Variants in GIN1 observed in about 807,000 individuals in gnomAD.
The protein encoded by GIN1 is gypsy retrotransposon integrase-like protein 1.
In GIN1, 41 loss-of-function variants were observed where a neutral mutation model predicts 51.4. That is an observed-to-expected ratio of 0.80 (90% confidence interval 0.62 to 1.04). The LOEUF (loss-of-function observed/expected upper bound fraction) is 1.04. GIN1 is among the 50% of genes least tolerant of loss of function. The pLI is 0.00. For missense variants in GIN1, 610 were observed against 612.4 expected (o/e 1.00, Z 0.04); for synonymous variants, 222 against 206.5 (o/e 1.07, Z -0.64).
Position 103,097,346 on chromosome 5 carries a change from T to C in GIN1, c.976A>G (p.Ile326Val). Reference sequence around the variant, plus strand: ...AGTGAAGTTGTCTTATTCTCCATTATTTTATCAGCTTCTTTAATTGCATCT... The same window carrying C: ...AGTGAAGTTGTCTTATTCTCCATTACTTTATCAGCTTCTTTAATTGCATCT... ...ILDAIKEADK[I>V]MENKTTSLGQ... Residue 326 changes from isoleucine to valine, a missense_variant, in exon 6 of 8, where the codon ATA becomes GTA. By Grantham distance (29) the Ile-to-Val change is conservative (BLOSUM62 3). Transcript: ENST00000399004. 1 of 1,600,188 alleles carries C rather than the reference T, an allele frequency of 6.2e-7. No individual in the cohort carries two copies. Among genetic ancestry groups the C allele is most frequent in the Non-Finnish European group, 8.6e-7 (1 of 1,168,262 alleles).
chr5:103,089,603 CAT>C (rs1482603606), intron 7 of GIN1, among the ~76,000 whole-genome samples: 1 of 152,102 alleles, frequency 6.6e-6, no homozygotes, highest in Non-Finnish European at 1.5e-5. Context: ...ACCATAGACA[CAT>C]GTCACTATGC....
At chr5:103,103,952 G>A (rs1414358571) in intron 4 of GIN1, among the ~76,000 whole-genome samples, 1 of 151,838 alleles carries the variant, frequency 6.6e-6, no homozygotes, top group Non-Finnish European at 1.5e-5. Flanking sequence ...ACCACACCTG[G>A]CTAATTTTTT....
intron 7 of GIN1, among the ~76,000 whole-genome samples, chr5:103,091,534 G>A (rs563157273): frequency 7.2e-5 from 11 of 152,244 alleles, no homozygotes; most frequent in African/African-American, 2.6e-4. Flanking sequence ...ATTTAGTTAT[G>A]ATTATGACAT....
At chr5:103,108,861 A>G (rs1234192293) in intron 1 of GIN1, 147 bp from the exon 2 acceptor site, 1 of 599,656 alleles carries the variant, frequency 1.7e-6, no homozygotes, top group East Asian at 3.0e-5. Context: ...AGTACAGGAA[A>G]GGAACAGCGA....
At chr5:103,108,418 T>C (rs1455489791) in intron 2 of GIN1, 151 bp downstream of exon 2, 17 of 584,826 alleles carry the variant, frequency 2.9e-5, no homozygotes, top group Non-Finnish European at 4.5e-5. Context: ...TGAGTGTAAT[T>C]TTTATTTTGC....
At chr5:103,115,787 G>A (rs1788015519) in intron 1 of GIN1, among the ~76,000 whole-genome samples, 1 of 151,946 alleles carries the variant, frequency 6.6e-6, no homozygotes, top group Admixed American at 6.6e-5. Flanking sequence ...CTAATGGAAG[G>A]GCTTCTAGAA....
chr5:103,109,632 A>C (rs1303494868), intron 1 of GIN1, among the ~76,000 whole-genome samples: 1 of 152,180 alleles, frequency 6.6e-6, no homozygotes, highest in Admixed American at 6.6e-5. Context: ...ATGTTAACAC[A>C]GTCCCATCAT....
chr5:103,094,773 TC>T (rs1265699932), intron 7 of GIN1, among the ~76,000 whole-genome samples: 18 of 152,208 alleles, frequency 1.2e-4, no homozygotes, highest in Non-Finnish European at 1.5e-5. Flanking sequence ...ACCTTTTTTT[TC>T]CCTACTTAAC....
Position 103,096,670 on chromosome 5 carries a change from C to G in GIN1, c.1165G>C (p.Gly389Arg). The G allele has an allele frequency of 6.2e-7, 1 of 1,614,002 alleles. No individual in the cohort carries two copies. ...KDGRFQSEWV[G>R]PCVIDYITES... is the part of the protein sequence containing the mutation. ...GTAATATAGTCTATGACACAAGGAC[C>G]AACCCATTCAGACTGAAAACGACCA... The change falls in exon 7 of 8, where the codon GGT (glycine) becomes CGT (arginine). Residue 389 changes from glycine (G) to arginine (R), a missense_variant. Coordinates refer to ENST00000399004, the MANE Select transcript of GIN1 (RefSeq NM_017676.2).
At chr5:103,114,063 A>C (rs1393161134) in intron 1 of GIN1, among the ~76,000 whole-genome samples, 2 of 148,676 alleles carry the variant, frequency 1.3e-5, no homozygotes, top group African/African-American at 4.9e-5. Flanking sequence ...CTTTTCATTG[A>C]TATTTTTGCC....
At chr5:103,113,875 G>C (rs1787952344) in intron 1 of GIN1, among the ~76,000 whole-genome samples, 1 of 152,120 alleles carries the variant, frequency 6.6e-6, no homozygotes, top group Admixed American at 6.5e-5. Flanking sequence ...TTCAACATAT[G>C]AATTTTGGGA....
chr5:103,090,058 G>A (rs530294540), intron 7 of GIN1, among the ~76,000 whole-genome samples: 48 of 152,320 alleles, frequency 3.2e-4, no homozygotes, highest in African/African-American at 1.1e-3. Context: ...GGAAACCAAT[G>A]CGGGCAGATC....
At chr5:103,088,344 T>A (rs911714930) in intron 7 of GIN1, among the ~76,000 whole-genome samples, 172 bp from the exon 8 acceptor site, 8 of 152,078 alleles carry the variant, frequency 5.3e-5, no homozygotes, top group Non-Finnish European at 4.4e-5. Flanking sequence ...AATAAAAAAA[T>A]GACATATAAA....
intron 1 of GIN1, among the ~76,000 whole-genome samples, chr5:103,115,239 A>C (rs1230357572): frequency 9.2e-5 from 14 of 152,158 alleles, no homozygotes; most frequent in Non-Finnish European, 1.9e-4. Context: ...AGTCATGTTC[A>C]TAGCCACATC....
At chr5:103,114,292 A>T (rs1467775250) in intron 1 of GIN1, among the ~76,000 whole-genome samples, 4 of 152,262 alleles carry the variant, frequency 2.6e-5, no homozygotes, top group Non-Finnish European at 5.9e-5. Context: ...TACCTGTACC[A>T]GTCAGCTAGG....
chr5:103,097,664 G>T lies in GIN1; in HGVS notation c.757C>A (p.His253Asn). 6.2e-7 allele frequency: 1 copy of T among 1,610,206 alleles called. No homozygotes were observed. The highest frequency in any genetic ancestry group is 1.1e-5 in the South Asian group (1 of 91,008). Residue 253 changes from histidine to asparagine, a missense_variant, in exon 5 of 8, where the codon CAC (histidine) becomes AAC (asparagine). Physicochemically the swap from His to Asn is moderately conservative, Grantham distance 68 (BLOSUM62 1). Coordinates refer to ENST00000399004, the MANE Select transcript of GIN1 (RefSeq NM_017676.2). ...CAATTGTTTGGGTGGTCAGCACAGT[G>T]TTTGGAGAGAAATGCTTTGATTGTG... ...PNTIKAFLSK[H>N]CADHPNNWDD... is the part of the protein sequence containing the mutation.
intron 4 of GIN1, among the ~76,000 whole-genome samples, chr5:103,099,672 C>T (rs1787513462): frequency 6.6e-6 from 1 of 152,160 alleles, no homozygotes; most frequent in African/African-American, 2.4e-5. Flanking sequence ...AGCCCCCCAA[C>T]CATCAAACCA....
At chr5:103,103,917 G>C (rs1554196001) in intron 4 of GIN1, among the ~76,000 whole-genome samples, 1 of 151,952 alleles carries the variant, frequency 6.6e-6, no homozygotes, top group African/African-American at 2.4e-5. Flanking sequence ...AACCTCCCGA[G>C]TAGCTGGGAC....
At chr5:103,118,466 C>G (rs1788132803) in intron 1 of GIN1, among the ~76,000 whole-genome samples, 1 of 152,018 alleles carries the variant, frequency 6.6e-6, no homozygotes. Context: ...AATCTCTTTC[C>G]TTTCATTAAT....
Sources: gnomAD v4.1 joint callset for allele counts (sites outside exome capture counted in the v4.1 genomes callset) on GRCh38, gnomAD v4.1.1 for gene constraint, MANE v1.5 for transcripts, NCBI Gene and HGNC (gene_info 2026-07-23, HGNC 2026-07-21) for gene names.